SDC3: variants seen among roughly 807,000 people sequenced by gnomAD.
SDC3 encodes syndecan-3.
A neutral mutation model predicts 24.4 loss-of-function variants in SDC3; 13 were observed. The observed-to-expected ratio is 0.53, with a 90% CI of 0.35 to 0.85. SDC3 has a LOEUF of 0.85. Among genes scored for constraint, SDC3 ranks in the 40% least tolerant of loss-of-function variants. SDC3 has a pLI of 0.01. For synonymous variants in SDC3, 295 were observed against 260.9 expected (o/e 1.13, Z -1.26); for missense variants, 571 against 584.5 (o/e 0.98, Z 0.24).
chr1:30,878,739 G>C lies in SDC3; in HGVS notation c.140C>G (p.Ala47Gly), dbSNP rs1639691789. 6.2e-7 allele frequency: 1 copy of C among 1,613,834 alleles called. No individual in the cohort carries two copies. Residue 47 changes from alanine (A) to glycine (G), a missense_variant and splice_region_variant, in exon 2 of 5, where the codon GCC (alanine) becomes GGC (glycine). This residue lies in a region of SDC3 where 497 missense variants were observed against 471.6 expected (regional missense o/e 1.05). Coordinates refer to ENST00000339394, the MANE Select transcript of SDC3 (RefSeq NM_014654.4). ...LLLLAGRAAG[A>G]QRWRSENFER... ...GAAGTTCTCACTGCGCCAGCGCTGGGCCTAGGGAAGGTAGAGGTGGACACA... is the reference window on the plus strand; with the variant it reads ...GAAGTTCTCACTGCGCCAGCGCTGGCCCTAGGGAAGGTAGAGGTGGACACA...
chr1:30,902,386 G>A (rs906812747), intron 1 of SDC3, among the ~76,000 whole-genome samples: 1 of 152,220 alleles, frequency 6.6e-6, no homozygotes, highest in East Asian at 1.9e-4. Context: ...ATGGCGGGAG[G>A]GGGGCCGGAA....
chr1:30,891,848 G>A (rs1191126682), intron 1 of SDC3, among the ~76,000 whole-genome samples: 31 of 120,794 alleles, frequency 2.6e-4, no homozygotes, highest in African/African-American at 4.1e-4. Flanking sequence ...GTGAGACGCC[G>A]TCAAAAAAAA....
intron 1 of SDC3, among the ~76,000 whole-genome samples, chr1:30,888,966 C>A (rs577285282): frequency 1.3e-5 from 2 of 152,320 alleles, no homozygotes; most frequent in South Asian, 4.1e-4. Context: ...GTCTCCAACC[C>A]AAGATGAGGC....
intron 1 of SDC3, among the ~76,000 whole-genome samples, chr1:30,892,458 T>C (rs1217962824): frequency 6.6e-6 from 1 of 151,998 alleles, no homozygotes. Context: ...AATGAATGAA[T>C]GAATGAATGA....
At position 30,873,202 on chromosome 1, in the gene SDC3, G is replaced by C; in HGVS notation, c.*9C>G. 1 of 1,608,400 alleles carries C rather than the reference G, an allele frequency of 6.2e-7. No individual in the cohort carries two copies. The highest frequency in any genetic ancestry group is 8.5e-7 in the Non-Finnish European group (1 of 1,174,998). On this transcript the variant is annotated 3_prime_UTR_variant, in exon 5 of 5. Transcript: ENST00000339394. Reference sequence around the variant, plus strand: ...GGTGTTGAGGCTGCAGGGAGGCACTGTGGCTCCACTAGGCATAGAACTCCT... The same window carrying C: ...GGTGTTGAGGCTGCAGGGAGGCACTCTGGCTCCACTAGGCATAGAACTCCT...
At chr1:30,893,974 C>G (rs935790099) in intron 1 of SDC3, among the ~76,000 whole-genome samples, 1 of 151,966 alleles carries the variant, frequency 6.6e-6, no homozygotes, top group Non-Finnish European at 1.5e-5. Flanking sequence ...TGAGGCCCTC[C>G]ACACACACAC....
intron 1 of SDC3, among the ~76,000 whole-genome samples, chr1:30,884,852 C>T (rs146553946): frequency 1.6e-4 from 25 of 152,290 alleles, no homozygotes; most frequent in Middle Eastern, 3.4e-3. Context: ...AACCCACATA[C>T]TGAACGACAG....
rs148355523 is a variant in SDC3 at position 30,881,994 on chromosome 1, A to T, written c.139-3254T>A. Among the ~76,000 whole-genome samples the T allele has an allele frequency of 6.6e-5, 10 of 152,054 alleles. No individual in the cohort carries two copies. The East Asian group carries it at 1.7e-3, about 27-fold the overall frequency. On this transcript the variant is annotated intron_variant, in intron 1 of 4. Transcript: ENST00000339394. ...CCATGCCCACCCAACATCCACACCC[A>T]CGCGCCAGCACACGATGGTGATAAG...
At chr1:30,898,616 C>T (rs1179428197) in intron 1 of SDC3, among the ~76,000 whole-genome samples, 152 of 152,266 alleles carry the variant, frequency 1.0e-3, no homozygotes, top group Non-Finnish European at 8.8e-5. Flanking sequence ...GAGATGCCTC[C>T]TACCCTGGCC....
chr1:30,891,850 CAAAA>C (rs11433428), intron 1 of SDC3, among the ~76,000 whole-genome samples: 9 of 118,808 alleles, frequency 7.6e-5, no homozygotes, highest in Admixed American at 8.5e-5. Context: ...GAGACGCCGT[CAAAA>C]AAAAAAAAAA....
At chr1:30,892,286 A>G (rs1335790167) in intron 1 of SDC3, among the ~76,000 whole-genome samples, 1 of 151,684 alleles carries the variant, frequency 6.6e-6, no homozygotes, top group African/African-American at 2.4e-5. Context: ...CACCCACTCC[A>G]CCAGGAATAG....
At chr1:30,878,883 CGT>C (rs1639694452) in intron 1 of SDC3, 143 bp from the exon 2 acceptor site, 1 of 667,392 alleles carries the variant, frequency 1.5e-6, no homozygotes, top group Non-Finnish European at 2.7e-6. Flanking sequence ...AAGGAAAGTG[CGT>C]GTGTGAATAA....
intron 1 of SDC3, among the ~76,000 whole-genome samples, chr1:30,902,404 C>T (rs540136740): frequency 7.1e-4 from 108 of 152,246 alleles, no homozygotes; most frequent in African/African-American, 2.4e-3. Context: ...GAAGTGAAGG[C>T]CACCAGGCCT....
At chr1:30,894,361 TGA>T (rs1553139226) in intron 1 of SDC3, among the ~76,000 whole-genome samples, 24 of 106,848 alleles carry the variant, frequency 2.2e-4, no homozygotes, top group Admixed American at 7.9e-4. Context: ...TGAGTGTGTG[TGA>T]GTGTGTGTGT....
At chr1:30,873,425 C>G (rs749980198) in intron 4 of SDC3, 48 bp from the exon 5 acceptor site, 38 of 1,508,726 alleles carry the variant, frequency 2.5e-5, no homozygotes, top group Middle Eastern at 1.8e-4. Flanking sequence ...AGGGTAGAAC[C>G]AGGGCAAAGG....
intron 1 of SDC3, among the ~76,000 whole-genome samples, chr1:30,883,771 G>T (rs542568887): frequency 1.3e-5 from 2 of 152,186 alleles, no homozygotes; most frequent in Non-Finnish European, 2.9e-5. Context: ...ACGAAAGGAG[G>T]GGGCGGGGTT....
chr1:30,896,489 G>A (rs1421491775), intron 1 of SDC3, among the ~76,000 whole-genome samples: 1 of 152,184 alleles, frequency 6.6e-6, no homozygotes, highest in African/African-American at 2.4e-5. Flanking sequence ...TTGGGGGCTG[G>A]TAGGAGGGGT....
In SDC3 at chr1:30,871,004, C is replaced by T. The variant is rs545873125; in HGVS notation, c.*2207G>A. The stretch of plus-strand genomic sequence containing the variant: ...GTGGCCCCAGGACCCAGCCCTTCTG[C>T]TCCAAAGATGACTGAGGCCAACCCG... On this transcript the variant is annotated 3_prime_UTR_variant, in exon 5 of 5. Transcript: ENST00000339394. 1.3e-5 allele frequency: 2 copies of T among 152,536 alleles called. No homozygotes were observed. Among genetic ancestry groups the T allele is most frequent in the Admixed American group, 1.3e-4 (2 of 15,316 alleles). 9.4% of individuals were successfully genotyped at this position (152,536 alleles called of 1,614,324 possible). A position where few individuals can be genotyped will look rare whatever the true frequency, so the allele number is the denominator to read the frequency against.
intron 3 of SDC3, among the ~76,000 whole-genome samples, chr1:30,876,069 C>T (rs1206734760): frequency 1.3e-5 from 2 of 152,176 alleles, no homozygotes; most frequent in African/African-American, 2.4e-5. Flanking sequence ...CATCACCAGG[C>T]GCTGTTCTAA....
Sources: allele counts gnomAD v4.1 joint callset (sites outside exome capture counted in the v4.1 genomes callset), GRCh38; gene constraint gnomAD v4.1.1; regional missense constraint gnomAD v4.1.1; transcripts MANE v1.5; gene names NCBI Gene and HGNC (gene_info 2026-07-23, HGNC 2026-07-21).